The following EYS variants were observed in gnomAD, a reference collection of about 807,000 sequenced individuals.
EYS encodes the protein protein eyes shut homolog.
In EYS, 250 loss-of-function variants were observed where a neutral mutation model predicts 282.1. The ratio of observed to expected loss-of-function variants is 0.89; its 90% CI spans 0.80 to 0.98. The LOEUF is 0.98. EYS is among the 50% of genes least tolerant of loss of function. The pLI is 0.00. For synonymous variants in EYS, 1,355 were observed against 1,282.9 expected (o/e 1.06, Z -1.20); for missense variants, 4,016 against 3,709.0 (o/e 1.08, Z -2.15).
intron 33 of EYS, among the ~76,000 whole-genome samples, chr6:64,015,970 T>C (rs1201209137): frequency 6.6e-6 from 1 of 152,226 alleles, no homozygotes; most frequent in East Asian, 1.9e-4. Flanking sequence ...GTGCTGAGCT[T>C]TGTTGCTTCT....
intron 24 of EYS, among the ~76,000 whole-genome samples, chr6:64,594,679 C>T (rs1208436861): frequency 6.3e-5 from 7 of 110,652 alleles, no homozygotes; most frequent in Admixed American, 3.8e-4. Flanking sequence ...CATCGCACAC[C>T]GGGGACTGTT....
chr6:65,243,344 C>T (rs1767100766), intron 12 of EYS, among the ~76,000 whole-genome samples: 1 of 152,280 alleles, frequency 6.6e-6, no homozygotes, highest in South Asian at 2.1e-4. Flanking sequence ...TCAACTATCA[C>T]AGCAGCAGAG....
intron 13 of EYS, among the ~76,000 whole-genome samples, chr6:65,013,695 G>A: frequency 6.6e-6 from 1 of 152,078 alleles, no homozygotes; most frequent in East Asian, 1.9e-4. Context: ...CAGCAACATA[G>A]TGAGACCCCT....
intron 26 of EYS, among the ~76,000 whole-genome samples, chr6:64,447,134 T>C (rs1356584022): frequency 6.6e-6 from 1 of 152,094 alleles, no homozygotes; most frequent in Non-Finnish European, 1.5e-5. Context: ...ACATCTTGAT[T>C]CTTGATTTTA....
At chr6:65,380,014 A>T (rs1765548599) in intron 8 of EYS, among the ~76,000 whole-genome samples, 1 of 152,040 alleles carries the variant, frequency 6.6e-6, no homozygotes, top group Non-Finnish European at 1.5e-5. Context: ...TGGACAGGAA[A>T]AATCAATATT....
At chr6:64,676,875 A>G (rs527716968) in intron 22 of EYS, among the ~76,000 whole-genome samples, 205 of 152,290 alleles carry the variant, frequency 1.3e-3, no homozygotes, top group Admixed American at 4.6e-3. Flanking sequence ...CATCTCCGAA[A>G]GGTCCCACCT....
intron 19 of EYS, among the ~76,000 whole-genome samples, chr6:64,834,910 G>A (rs1296512935): frequency 1.3e-5 from 2 of 151,736 alleles, no homozygotes; most frequent in Non-Finnish European, 2.9e-5. Context: ...CTAACTGATG[G>A]TTGTACTATT....
chr6:64,308,331 A>C (rs1040850037), intron 29 of EYS, among the ~76,000 whole-genome samples: 1 of 152,110 alleles, frequency 6.6e-6, no homozygotes, highest in Non-Finnish European at 1.5e-5. Context: ...TTTGGTGAAC[A>C]AAAATAACCT....
chr6:65,627,610 C>T (rs2149805959), intron 2 of EYS, among the ~76,000 whole-genome samples: 1 of 152,246 alleles, frequency 6.6e-6, no homozygotes, highest in South Asian at 2.1e-4. Context: ...TCCGGGTGGG[C>T]GTGGTCTTGG....
intron 36 of EYS, among the ~76,000 whole-genome samples, chr6:63,848,437 A>C (rs935810565): frequency 6.6e-6 from 1 of 151,966 alleles, no homozygotes; most frequent in Non-Finnish European, 1.5e-5. Context: ...TCCCAGCAAG[A>C]CCAACGGAGA....
chr6:64,320,097 T>G (rs567519819), intron 29 of EYS, among the ~76,000 whole-genome samples: 1 of 152,136 alleles, frequency 6.6e-6, no homozygotes, highest in East Asian at 1.9e-4. Context: ...AAGGGTTTTT[T>G]TGTTTTTTAA....
chr6:64,603,819 C>T (rs17404186), intron 24 of EYS, among the ~76,000 whole-genome samples: 1 of 150,278 alleles, frequency 6.7e-6, no homozygotes. Flanking sequence ...CATGAATTAT[C>T]CCTCTGCTTA....
intron 2 of EYS, among the ~76,000 whole-genome samples, chr6:65,625,356 T>C (rs1158711932): frequency 1.3e-5 from 2 of 152,204 alleles, no homozygotes; most frequent in East Asian, 1.9e-4. Flanking sequence ...ATAATCTATT[T>C]GTGTTGTTTT....
chr6:64,585,031 A>T (rs890273236), intron 26 of EYS, among the ~76,000 whole-genome samples: 4 of 152,148 alleles, frequency 2.6e-5, no homozygotes, highest in African/African-American at 2.4e-5. Context: ...TTGCATGTTC[A>T]TTACTGCACT....
Position 64,591,243 on chromosome 6 carries a change from T to C in EYS, c.4624A>G (p.Lys1542Glu), listed in dbSNP as rs1301882038. ...ASSNQRLTNI[K>E]SQAADSLREL... Reference sequence around the variant, plus strand: ...CTTAAAGAATCAGCAGCCTGTGATTTGATGTTTGTGAGTCTCTGGTTGCTT... The same window carrying C: ...CTTAAAGAATCAGCAGCCTGTGATTCGATGTTTGTGAGTCTCTGGTTGCTT... The change falls in exon 26 of 43, where the codon AAA (lysine) becomes GAA (glutamate). Residue 1542 changes from lysine (K) to glutamate (E), a missense_variant. Lys to Glu is a moderately conservative substitution (Grantham distance 56). Coordinates refer to ENST00000503581, the MANE Select transcript of EYS (RefSeq NM_001142800.2). 1.9e-6 allele frequency: 3 copies of C among 1,551,464 alleles called. No homozygotes were observed. Among genetic ancestry groups the C allele is most frequent in the Non-Finnish European group, 1.7e-6 (2 of 1,146,834 alleles).
At chr6:65,455,418 T>C (rs933842659) in intron 5 of EYS, among the ~76,000 whole-genome samples, 1 of 152,068 alleles carries the variant, frequency 6.6e-6, no homozygotes, top group African/African-American at 2.4e-5. Flanking sequence ...AGGTTTTCTA[T>C]AAAGAATTTT....
chr6:65,086,320 A>C (rs1774372093), intron 12 of EYS, among the ~76,000 whole-genome samples: 1 of 151,384 alleles, frequency 6.6e-6, no homozygotes, highest in Non-Finnish European at 1.5e-5. Context: ...CATCTCAAAA[A>C]AACTAAATAA....
At chr6:65,129,671 C>G (rs1305357594) in intron 12 of EYS, among the ~76,000 whole-genome samples, 1 of 151,726 alleles carries the variant, frequency 6.6e-6, no homozygotes, top group African/African-American at 2.4e-5. Flanking sequence ...AACAGGTTAC[C>G]TCTGAGGCTG....
chr6:64,452,291 C>A (rs927863901), intron 26 of EYS, among the ~76,000 whole-genome samples: 41 of 152,114 alleles, frequency 2.7e-4, no homozygotes, highest in Non-Finnish European at 4.3e-4. Flanking sequence ...CCTAGGAATC[C>A]AACTTACAAG....
Sources: gnomAD v4.1 joint callset for allele counts (sites outside exome capture counted in the v4.1 genomes callset) on GRCh38, gnomAD v4.1.1 for gene constraint, MANE v1.5 for transcripts, NCBI Gene and HGNC (gene_info 2026-07-23, HGNC 2026-07-21) for gene names.